ORC5: variants seen among roughly 807,000 people sequenced by gnomAD.
ORC5 encodes origin recognition complex subunit 5.
ORC5 carries 39 observed loss-of-function variants against 58.8 expected under a neutral mutation model. The observed-to-expected ratio is 0.66, with a 90% CI of 0.51 to 0.87. ORC5 has a LOEUF of 0.87. Among genes scored for constraint, ORC5 ranks in the 40% least tolerant of loss-of-function variants. ORC5 has a pLI of 0.00. For synonymous variants in ORC5, 218 were observed against 177.6 expected (o/e 1.23, Z -1.81); for missense variants, 493 against 506.3 (o/e 0.97, Z 0.25).
intron 12 of ORC5, among the ~76,000 whole-genome samples, chr7:104,152,450 AT>A (rs1318330302): frequency 6.6e-6 from 1 of 152,150 alleles, no homozygotes; most frequent in African/African-American, 2.4e-5. Context: ...AGCCAGAAGT[AT>A]TTTTAAATGT....
At chr7:104,183,263 A>G (rs554638264) in intron 8 of ORC5, among the ~76,000 whole-genome samples, 1 of 152,138 alleles carries the variant, frequency 6.6e-6, no homozygotes, top group Admixed American at 6.5e-5. Context: ...AGACTCAGCC[A>G]CTCCCTTCAA....
Position 104,178,964 on chromosome 7 carries a change from GAAGGTTATTT to G in ORC5, c.824+4969_824+4978del, listed in dbSNP as rs556972773. ...AAAAGAATAATTTTGTCAAAATTCT[GAAGGTTATTT>G]AAGGTTATTTTAGAAAGTAAATTTA... On this transcript the variant is annotated intron_variant, in intron 8 of 13. Transcript: ENST00000297431. Among the ~76,000 whole-genome samples, 11 of 152,166 alleles carry G rather than the reference GAAGGTTATTT, an allele frequency of 7.2e-5. No individual in the cohort carries two copies. In the South Asian group the frequency reaches 1.0e-3, roughly 14 times the overall value.
intron 8 of ORC5, among the ~76,000 whole-genome samples, chr7:104,172,514 A>G (rs896870733): frequency 2.0e-5 from 3 of 151,046 alleles, no homozygotes; most frequent in South Asian, 4.1e-4. Flanking sequence ...ATTAAGGAAT[A>G]GTTAGTGATA....
At chr7:104,174,313 C>T (rs1194972184) in intron 8 of ORC5, among the ~76,000 whole-genome samples, 1 of 152,154 alleles carries the variant, frequency 6.6e-6, no homozygotes, top group Admixed American at 6.5e-5. Flanking sequence ...CTACGATGGT[C>T]CCCACCATCT....
At chr7:104,145,173 T>C (rs563924015) in intron 12 of ORC5, among the ~76,000 whole-genome samples, 11 of 152,302 alleles carry the variant, frequency 7.2e-5, no homozygotes, top group African/African-American at 2.6e-4. Flanking sequence ...AGAGTAGGCC[T>C]GAAATTTTAA....
At chr7:104,185,011 A>C (rs1799513729) in intron 6 of ORC5, among the ~76,000 whole-genome samples, 1 of 151,874 alleles carries the variant, frequency 6.6e-6, no homozygotes, top group South Asian at 2.1e-4. Context: ...ATGTCATAAA[A>C]ATTTGAACCA....
chr7:104,143,989 C>T (rs1351073776), intron 12 of ORC5, among the ~76,000 whole-genome samples: 4 of 151,956 alleles, frequency 2.6e-5, no homozygotes, highest in South Asian at 4.1e-4. Flanking sequence ...CATGGTGGCA[C>T]GTGCCTGTAA....
At chr7:104,182,526 T>C (rs952333085) in intron 8 of ORC5, among the ~76,000 whole-genome samples, 3 of 152,100 alleles carry the variant, frequency 2.0e-5, no homozygotes, top group Admixed American at 6.5e-5. Context: ...CACTCTGCTT[T>C]GTTTCAACTC....
chr7:104,166,642 A>G, intron 10 of ORC5, 130 bp downstream of exon 10: 1 of 571,156 alleles, frequency 1.8e-6, no homozygotes, highest in Non-Finnish European at 3.1e-6. Context: ...CCTTTAAAGA[A>G]TGAGTCCTAA....
At chr7:104,190,491 T>G (rs766890926) in intron 5 of ORC5, among the ~76,000 whole-genome samples, 6 of 152,170 alleles carry the variant, frequency 3.9e-5, no homozygotes, top group Non-Finnish European at 8.8e-5. Flanking sequence ...TTCTATTATA[T>G]CTCAGACTCT....
intron 1 of ORC5, among the ~76,000 whole-genome samples, chr7:104,204,573 C>T (rs1167960841): frequency 1.4e-5 from 2 of 144,050 alleles, no homozygotes; most frequent in Non-Finnish European, 3.1e-5. Flanking sequence ...TGTTCATACT[C>T]CATTTTTATA....
intron 13 of ORC5, among the ~76,000 whole-genome samples, chr7:104,132,721 G>T (rs194847): frequency 0.58 from 88,235 of 152,044 alleles, 26,778 homozygotes; most frequent in East Asian, 0.75. Context: ...TTTGAGCTTA[G>T]GAGCTTGTAT....
chr7:104,207,664 C>T (rs546378304), intron 1 of ORC5, among the ~76,000 whole-genome samples, 169 bp downstream of exon 1: 53 of 152,270 alleles, frequency 3.5e-4, no homozygotes, highest in African/African-American at 1.2e-3. Flanking sequence ...CTTCAATATT[C>T]GGAAGAGACT....
In ORC5 at chr7:104,207,996, C is replaced by G; in HGVS notation, c.-92G>C. 2 of 1,210,938 alleles carry G rather than the reference C, an allele frequency of 1.7e-6. No individual in the cohort carries two copies. The highest frequency in any genetic ancestry group is 2.4e-6 in the Non-Finnish European group (2 of 830,150). 75.0% of individuals were successfully genotyped at this position (1,210,938 alleles called of 1,614,324 possible). A position where few individuals can be genotyped will look rare whatever the true frequency, so the allele number is the denominator to read the frequency against. ...CTCCCGAGTCTGGCGGCCCACGCTC[C>G]CGCCGGAAACCGGACCCGCAGCGTC... On this transcript the variant is annotated 5_prime_UTR_variant, in exon 1 of 14. Coordinates refer to ENST00000297431, the MANE Select transcript of ORC5 (RefSeq NM_002553.4).
At chr7:104,158,845 T>C (rs1798974067) in intron 12 of ORC5, among the ~76,000 whole-genome samples, 1 of 151,826 alleles carries the variant, frequency 6.6e-6, no homozygotes, top group Non-Finnish European at 1.5e-5. Context: ...CTGGAGAGGA[T>C]GTGGAGAAAT....
At chr7:104,147,763 T>G (rs1370652263) in intron 12 of ORC5, among the ~76,000 whole-genome samples, 2 of 152,236 alleles carry the variant, frequency 1.3e-5, no homozygotes, top group Non-Finnish European at 2.9e-5. Context: ...AAACACTTGT[T>G]TTAAGAATAC....
intron 3 of ORC5, among the ~76,000 whole-genome samples, chr7:104,199,280 G>A (rs951952776): frequency 2.0e-5 from 3 of 152,228 alleles, no homozygotes; most frequent in African/African-American, 7.2e-5. Flanking sequence ...AAAAGCCACA[G>A]ATACTCAACG....
intron 8 of ORC5, among the ~76,000 whole-genome samples, chr7:104,177,579 A>G (rs1381499968): frequency 6.6e-6 from 1 of 152,114 alleles, no homozygotes; most frequent in Non-Finnish European, 1.5e-5. Context: ...TTTAAATTTT[A>G]CTTTAAGTTC....
intron 3 of ORC5, 25 bp downstream of exon 3, chr7:104,200,733 G>T: frequency 1.5e-6 from 2 of 1,334,022 alleles, no homozygotes; most frequent in Non-Finnish European, 2.1e-6. Context: ...GATAAGAGAT[G>T]ATCTAATCAA....
Sources: allele counts gnomAD v4.1 joint callset (sites outside exome capture counted in the v4.1 genomes callset), GRCh38; gene constraint gnomAD v4.1.1; transcripts MANE v1.5; gene names NCBI Gene and HGNC (gene_info 2026-07-23, HGNC 2026-07-21).